NECAB1: variants seen among roughly 807,000 people sequenced by gnomAD.
The protein encoded by NECAB1 is N-terminal EF-hand calcium-binding protein 1.
Under a neutral mutation model 57.5 loss-of-function variants are expected in NECAB1, and 29 were observed. The ratio of observed to expected loss-of-function variants is 0.50; its 90% confidence interval spans 0.38 to 0.69. The LOEUF (loss-of-function observed/expected upper bound fraction) is 0.69, where lower values mean the gene tolerates loss of function less well. Ranked by LOEUF, NECAB1 falls within the 30% of genes least tolerant of loss-of-function variation. The pLI is 0.00. For synonymous variants in NECAB1, 142 were observed against 147.7 expected (o/e 0.96, Z 0.28); for missense variants, 372 against 413.8 (o/e 0.90, Z 0.88).
intron 3 of NECAB1, among the ~76,000 whole-genome samples, chr8:90,826,470 A>C (rs922273949): frequency 3.9e-5 from 6 of 151,934 alleles, no homozygotes; most frequent in Admixed American, 2.0e-4. Context: ...TGAAAGAAAG[A>C]AAGCCATGTT....
At chr8:90,835,971 T>G (rs1228836785) in intron 3 of NECAB1, among the ~76,000 whole-genome samples, 2 of 152,244 alleles carry the variant, frequency 1.3e-5, no homozygotes, top group African/African-American at 4.8e-5. Context: ...GAGAACTGAT[T>G]CCTTTTGTTT....
At chr8:90,803,026 A>G (rs1262896722) in intron 2 of NECAB1, among the ~76,000 whole-genome samples, 1 of 152,000 alleles carries the variant, frequency 6.6e-6, no homozygotes, top group African/African-American at 2.4e-5. Flanking sequence ...CCTCCCAAGT[A>G]ACTTGGAATA....
At chr8:90,907,143 T>A (rs112139763) in intron 5 of NECAB1, among the ~76,000 whole-genome samples, 2,598 of 106,338 alleles carry the variant, frequency 0.024, 86 homozygotes, top group Admixed American at 0.11. Context: ...TGTGTGTGTG[T>A]GTGTGTGTGA....
chr8:90,937,309 C>G lies in NECAB1; in HGVS notation c.747+2952C>G, dbSNP rs183947403. Among the ~76,000 whole-genome samples, 5 of 152,094 alleles carry G rather than the reference C, an allele frequency of 3.3e-5. No homozygotes were observed. The East Asian group carries it at 9.7e-4, about 29-fold the overall frequency. On this transcript the variant is annotated intron_variant, in intron 9 of 12. Transcript: ENST00000417640. ...TGAATATTATAGGCTAGAAAACAAA[C>G]TAGAAGGAAATTATACAGAATCTAC...
At chr8:90,882,879 C>G (rs374594737) in intron 5 of NECAB1, among the ~76,000 whole-genome samples, 1 of 151,994 alleles carries the variant, frequency 6.6e-6, no homozygotes, top group African/African-American at 2.4e-5. Context: ...AAATCATACT[C>G]AAAAATTTAT....
At chr8:90,801,033 T>C in intron 1 of NECAB1, among the ~76,000 whole-genome samples, 1 of 152,170 alleles carries the variant, frequency 6.6e-6, no homozygotes, top group East Asian at 1.9e-4. Flanking sequence ...ATAAAGTAGA[T>C]ATAGCATAGA....
At chr8:90,940,245 T>C (rs908010720) in intron 9 of NECAB1, 1 of 153,182 alleles carries the variant, frequency 6.5e-6, no homozygotes, top group Non-Finnish European at 1.5e-5. Flanking sequence ...CCTGTAATAT[T>C]TGATATACCT....
At chr8:90,795,934 C>T (rs766040082) in intron 1 of NECAB1, among the ~76,000 whole-genome samples, 7 of 152,146 alleles carry the variant, frequency 4.6e-5, no homozygotes, top group Non-Finnish European at 8.8e-5. Flanking sequence ...CCATAGCACA[C>T]GTTTACCTAT....
intron 7 of NECAB1, among the ~76,000 whole-genome samples, chr8:90,928,011 T>A (rs76928235): frequency 4.8e-5 from 2 of 41,298 alleles, no homozygotes; most frequent in African/African-American, 7.4e-4. Flanking sequence ...GCAATTACAT[T>A]AAAAAACAGG....
chr8:90,949,906 T>C, intron 11 of NECAB1, 22 bp downstream of exon 11: 1 of 1,479,862 alleles, frequency 6.8e-7, no homozygotes, highest in Non-Finnish European at 9.3e-7. Flanking sequence ...GCAAGCCTGA[T>C]TTTATGTGAA....
intron 9 of NECAB1, among the ~76,000 whole-genome samples, chr8:90,939,166 A>G (rs1563542736): frequency 6.6e-6 from 1 of 152,228 alleles, no homozygotes; most frequent in Non-Finnish European, 1.5e-5. Context: ...GCCATGTGGC[A>G]CAGAAAGCCT....
At chr8:90,825,713 G>T (rs1812212478) in intron 3 of NECAB1, among the ~76,000 whole-genome samples, 1 of 151,924 alleles carries the variant, frequency 6.6e-6, no homozygotes, top group South Asian at 2.1e-4. Context: ...AAAATTAAAA[G>T]ATTAAATTCA....
intron 2 of NECAB1, among the ~76,000 whole-genome samples, chr8:90,811,613 AC>A (rs1312433304): frequency 2.6e-5 from 4 of 151,056 alleles, no homozygotes; most frequent in Admixed American, 2.6e-4. Flanking sequence ...TAATTGAAAA[AC>A]CCCCCAAATG....
At chr8:90,875,861 A>AAAG (rs60462051) in intron 4 of NECAB1, among the ~76,000 whole-genome samples, 2 of 146 alleles carry the variant, frequency 0.014, no homozygotes, top group African/African-American at 0.04. Context: ...AAAAAAAAAA[A>AAAG]TTACCGGGCG....
chr8:90,799,663 G>T (rs1056933523), intron 1 of NECAB1, among the ~76,000 whole-genome samples: 16 of 151,794 alleles, frequency 1.1e-4, no homozygotes, highest in African/African-American at 3.9e-4. Flanking sequence ...TTTCATTTTT[G>T]TATCTGTTTT....
At chr8:90,867,718 A>G (rs1453093246) in intron 3 of NECAB1, among the ~76,000 whole-genome samples, 1 of 152,272 alleles carries the variant, frequency 6.6e-6, no homozygotes, top group Non-Finnish European at 1.5e-5. Flanking sequence ...ACAATGATAA[A>G]TGCAAAACGT....
intron 3 of NECAB1, among the ~76,000 whole-genome samples, chr8:90,834,469 T>A (rs1481003664): frequency 1.3e-5 from 2 of 152,142 alleles, no homozygotes; most frequent in Non-Finnish European, 2.9e-5. Context: ...AAGGAGCTTG[T>A]GTGTCCCTTC....
chr8:90,865,450 T>C (rs1006053048), intron 3 of NECAB1, among the ~76,000 whole-genome samples: 6 of 152,262 alleles, frequency 3.9e-5, no homozygotes, highest in South Asian at 4.1e-4. Context: ...TGCTCTCTGA[T>C]ACAAGTCTTC....
Position 90,955,622 on chromosome 8 carries a change from G to T in NECAB1, c.*110G>T. The T allele has an allele frequency of 1.2e-5, 9 of 782,402 alleles. No homozygotes were observed. The highest frequency in any genetic ancestry group is 6.1e-5 in the East Asian group (2 of 32,986). The allele number at this position is 782,402 out of a possible 1,614,324, so 48.5% of individuals were successfully genotyped here. A position where few individuals can be genotyped will look rare whatever the true frequency, so the allele number is the denominator to read the frequency against. ...GTTAATCTACTGTATATTTTTGTTTGGTATATTTACTAAGTGCACTCTTTC... is the reference window on the plus strand; with the variant it reads ...GTTAATCTACTGTATATTTTTGTTTTGTATATTTACTAAGTGCACTCTTTC... On this transcript the variant is annotated 3_prime_UTR_variant, in exon 13 of 13. Coordinates refer to ENST00000417640, the MANE Select transcript of NECAB1 (RefSeq NM_022351.5).
Sources: allele counts gnomAD v4.1 joint callset (sites outside exome capture counted in the v4.1 genomes callset), GRCh38; gene constraint gnomAD v4.1.1; transcripts MANE v1.5; gene names NCBI Gene and HGNC (gene_info 2026-07-23, HGNC 2026-07-21).